TRIM33: variants seen among roughly 807,000 people sequenced by gnomAD.
TRIM33 encodes the protein E3 ubiquitin-protein ligase TRIM33.
In TRIM33, 20 loss-of-function variants were observed where a neutral mutation model predicts 125.4. The observed-to-expected ratio is 0.16, with a 90% confidence interval of 0.11 to 0.23. The LOEUF (loss-of-function observed/expected upper bound fraction) is 0.23, where lower values mean the gene tolerates loss of function less well. Among genes scored for constraint, TRIM33 ranks in the 10% least tolerant of loss-of-function variants. The pLI is 1.00. For synonymous variants in TRIM33, 564 were observed against 513.9 expected (o/e 1.10, Z -1.32); for missense variants, 920 against 1,411.4 (o/e 0.65, Z 5.58).
At chr1:114,406,309 A>G (rs1476012478) in intron 14 of TRIM33, among the ~76,000 whole-genome samples, 1 of 152,182 alleles carries the variant, frequency 6.6e-6, no homozygotes, top group African/African-American at 2.4e-5. Context: ...ATCTATATAT[A>G]CTGTGTTAAA....
At chr1:114,409,497 C>G (rs1372147849) in intron 12 of TRIM33, among the ~76,000 whole-genome samples, 10 of 152,030 alleles carry the variant, frequency 6.6e-5, no homozygotes, top group Admixed American at 6.6e-4. Context: ...TTAAAGTTGA[C>G]TTGGAACCAA....
chr1:114,452,727 TAAAA>T (rs34364866), intron 4 of TRIM33, among the ~76,000 whole-genome samples: 27,138 of 107,338 alleles, frequency 0.25, 3,289 homozygotes, highest in Non-Finnish European at 0.31. Flanking sequence ...CCCCATCTCT[TAAAA>T]AAAAAAAAAA....
intron 4 of TRIM33, among the ~76,000 whole-genome samples, chr1:114,451,395 A>G (rs973624700): frequency 1.4e-5 from 2 of 146,520 alleles, no homozygotes; most frequent in African/African-American, 2.6e-5. Context: ...AAAAAAAAGG[A>G]CTGAAATCCC....
Position 114,482,082 on chromosome 1 carries a change from T to C in TRIM33, c.527-17694A>G, listed in dbSNP as rs774548291. Among the ~76,000 whole-genome samples the C allele has an allele frequency of 8.5e-5, 13 of 152,292 alleles. No individual in the cohort carries two copies. In the South Asian group the frequency reaches 1.0e-3, roughly 12 times the overall value. ...CTTTCTGCCATGACAAAATGTTCTA[T>C]ATCTGCACTGTCTAATATGGCAGCC... On this transcript the variant is annotated intron_variant, in intron 1 of 19. Coordinates refer to ENST00000358465, the MANE Select transcript of TRIM33 (RefSeq NM_015906.4).
chr1:114,422,950 T>G (rs1278989406), intron 10 of TRIM33, among the ~76,000 whole-genome samples: 1 of 152,138 alleles, frequency 6.6e-6, no homozygotes, highest in African/African-American at 2.4e-5. Flanking sequence ...TGTAAACGTT[T>G]CCTAAGCATT....
At chr1:114,435,135 C>T (rs1445241081) in intron 4 of TRIM33, among the ~76,000 whole-genome samples, 1 of 152,166 alleles carries the variant, frequency 6.6e-6, no homozygotes, top group Non-Finnish European at 1.5e-5. Flanking sequence ...ATGTAATAAT[C>T]ACATTTACAT....
In TRIM33 at chr1:114,398,010, CAA is replaced by C. The variant is rs5777192; in HGVS notation, c.3121-22_3121-21del. ...CATCATCTAAAAAGGATACCAGAGT[CAA>C]AAAAAAAAAAGGGAAATTATAATCC... On this transcript the variant is annotated intron_variant, in intron 18 of 19. Transcript: ENST00000358465. The C allele has an allele frequency of 0.047, 51,048 of 1,088,524 alleles. 1 individual carries two copies. The highest frequency in any genetic ancestry group is 0.088 in the South Asian group (4,809 of 54,756). The allele number at this position is 1,088,524 out of a possible 1,614,324, so 67.4% of individuals were successfully genotyped here. A position where few individuals can be genotyped will look rare whatever the true frequency, so the allele number is the denominator to read the frequency against.
intron 17 of TRIM33, among the ~76,000 whole-genome samples, chr1:114,401,036 T>G (rs1651842620): frequency 6.6e-6 from 1 of 151,744 alleles, no homozygotes; most frequent in African/African-American, 2.4e-5. Context: ...CTCTTTTTTT[T>G]TTTTTTCTTT....
chr1:114,422,799 TTAAA>T (rs1242368098), intron 10 of TRIM33, among the ~76,000 whole-genome samples: 6 of 152,208 alleles, frequency 3.9e-5, no homozygotes, highest in Non-Finnish European at 8.8e-5. Flanking sequence ...CAAAAAGTTT[TTAAA>T]TAGTTTTGAT....
rs3077592 is a variant in TRIM33 at position 114,414,027 on chromosome 1, G to GCACACACACACACACACACA, written c.2062-3731_2062-3712dup. 5.7e-4 allele frequency among the ~76,000 whole-genome samples: 74 copies of GCACACACACACACACACACA among 130,682 alleles called. 1 individual carries two copies. Among genetic ancestry groups the GCACACACACACACACACACA allele is most frequent in the Non-Finnish European group, 8.7e-4 (54 of 62,254 alleles). 85.7% of individuals were successfully genotyped at this position (130,682 alleles called of 152,430 possible). The stretch of plus-strand genomic sequence containing the variant: ...CAAAATAAACCAAAATAAATCACAG[G>GCACACACACACACACACACA]CACACACACACACACACACACACAC... On this transcript the variant is annotated intron_variant, in intron 11 of 19. Transcript: ENST00000358465.
intron 1 of TRIM33, among the ~76,000 whole-genome samples, chr1:114,483,179 C>T (rs889295580): frequency 6.6e-6 from 1 of 151,946 alleles, no homozygotes; most frequent in Non-Finnish European, 1.5e-5. Context: ...CGATGGTGCA[C>T]ACTTGTAGTC....
intron 1 of TRIM33, chr1:114,468,643 C>G: frequency 2.4e-6 from 1 of 418,696 alleles, no homozygotes; most frequent in East Asian, 7.3e-5. Flanking sequence ...ATTCAAGAAC[C>G]AGCTGAACCA....
At chr1:114,487,172 C>CT (rs1170705981) in intron 1 of TRIM33, among the ~76,000 whole-genome samples, 5 of 150,272 alleles carry the variant, frequency 3.3e-5, no homozygotes, top group Admixed American at 2.6e-4. Context: ...TATAAAAAAA[C>CT]TGAGTTAATG....
At chr1:114,406,349 G>A (rs142067967) in intron 14 of TRIM33, among the ~76,000 whole-genome samples, 372 of 152,212 alleles carry the variant, frequency 2.4e-3, no homozygotes, top group African/African-American at 8.4e-3. Context: ...GAATTCCCAT[G>A]TGCCAACCAT....
chr1:114,430,163 C>A (rs1235352704), intron 6 of TRIM33, among the ~76,000 whole-genome samples: 1 of 151,894 alleles, frequency 6.6e-6, no homozygotes, highest in Non-Finnish European at 1.5e-5. Flanking sequence ...ATTGAGGCCC[C>A]ATCTTAAGGG....
chr1:114,449,762 T>C (rs1320092322), intron 4 of TRIM33, among the ~76,000 whole-genome samples: 2 of 152,226 alleles, frequency 1.3e-5, no homozygotes, highest in East Asian at 3.8e-4. Flanking sequence ...CAATCGCTAA[T>C]GTTTCTCATG....
At chr1:114,443,074 T>TC (rs1274870682) in intron 4 of TRIM33, among the ~76,000 whole-genome samples, 1 of 145,806 alleles carries the variant, frequency 6.9e-6, no homozygotes, top group East Asian at 2.0e-4. Flanking sequence ...CTCTCTCCCT[T>TC]TTTTTTTTTT....
chr1:114,479,194 A>G (rs1651151867), intron 1 of TRIM33, among the ~76,000 whole-genome samples: 1 of 152,226 alleles, frequency 6.6e-6, no homozygotes, highest in African/African-American at 2.4e-5. Flanking sequence ...CAAGCTCCCA[A>G]CATAAATGTA....
chr1:114,423,992 A>C (rs1268552728), intron 10 of TRIM33, among the ~76,000 whole-genome samples: 1 of 152,152 alleles, frequency 6.6e-6, no homozygotes, highest in Non-Finnish European at 1.5e-5. Flanking sequence ...AATAAACTCT[A>C]TTATAACTAG....
Sources: gnomAD v4.1 joint callset for allele counts (sites outside exome capture counted in the v4.1 genomes callset) on GRCh38, gnomAD v4.1.1 for gene constraint, MANE v1.5 for transcripts, NCBI Gene and HGNC (gene_info 2026-07-23, HGNC 2026-07-21) for gene names.